CSNK2A2IP: variants seen among roughly 807,000 people sequenced by gnomAD.
CSNK2A2IP encodes the protein casein kinase 2 subunit alpha' interacting protein, also known as casein kinase II subunit alpha'-interacting protein.
chr3:88,453,860 T>C, the CSNK2A2IP span, among the ~76,000 whole-genome samples: 7 of 152,180 alleles, frequency 4.6e-5, no homozygotes, highest in South Asian at 1.2e-3. Flanking sequence ...GGATAGTAGA[T>C]TGATTACAGT....
the CSNK2A2IP span, among the ~76,000 whole-genome samples, chr3:88,445,610 G>A: frequency 2.0e-5 from 3 of 152,076 alleles, no homozygotes; most frequent in African/African-American, 7.2e-5. Context: ...CCAGGCTGGA[G>A]TGCATTGGGG....
chr3:88,389,227 A>AT, the CSNK2A2IP span, among the ~76,000 whole-genome samples: 1 of 122,866 alleles, frequency 8.1e-6, no homozygotes, highest in Non-Finnish European at 2.0e-5. Context: ...AGACAGTAAC[A>AT]TTTAATTTAA....
At chr3:88,453,940 G>T in the CSNK2A2IP span, among the ~76,000 whole-genome samples, 4 of 152,098 alleles carry the variant, frequency 2.6e-5, no homozygotes, top group African/African-American at 9.6e-5. Context: ...GCTTTCATTT[G>T]GGTAAATAAA....
At chr3:88,437,285 T>G in the CSNK2A2IP span, among the ~76,000 whole-genome samples, 2 of 152,180 alleles carry the variant, frequency 1.3e-5, no homozygotes, top group Non-Finnish European at 2.9e-5. Flanking sequence ...TCAACCTACA[T>G]TGAAGGTACC....
the CSNK2A2IP span, among the ~76,000 whole-genome samples, chr3:88,392,291 C>A: frequency 6.6e-6 from 1 of 152,096 alleles, no homozygotes; most frequent in African/African-American, 2.4e-5. Flanking sequence ...GTTCAGAATT[C>A]AGGAGAGAAT....
the CSNK2A2IP span, among the ~76,000 whole-genome samples, chr3:88,372,302 G>A: frequency 1.3e-5 from 2 of 151,460 alleles, no homozygotes; most frequent in Non-Finnish European, 3.0e-5. Context: ...GGCAAAAACT[G>A]CAATTACCTT....
At chr3:88,453,459 C>T in the CSNK2A2IP span, among the ~76,000 whole-genome samples, 1 of 152,014 alleles carries the variant, frequency 6.6e-6, no homozygotes, top group African/African-American at 2.4e-5. Context: ...GTACATACAA[C>T]AAGAATATTG....
At chr3:88,462,152 T>G in the CSNK2A2IP span, among the ~76,000 whole-genome samples, 1 of 150,778 alleles carries the variant, frequency 6.6e-6, no homozygotes, top group African/African-American at 2.4e-5. Flanking sequence ...GTAAATTTTT[T>G]TACATTCTGT....
At chr3:88,398,631 T>C in the CSNK2A2IP span, among the ~76,000 whole-genome samples, 1 of 152,164 alleles carries the variant, frequency 6.6e-6, no homozygotes, top group Non-Finnish European at 1.5e-5. Context: ...AGGTCCCATC[T>C]TGACTGTGAA....
At chr3:88,345,270 G>T in the CSNK2A2IP span, among the ~76,000 whole-genome samples, 1 of 151,952 alleles carries the variant, frequency 6.6e-6, no homozygotes. Flanking sequence ...TGTGTACGTG[G>T]CTTGCCACTT....
chr3:88,357,459 A>T, the CSNK2A2IP span, among the ~76,000 whole-genome samples: 1 of 152,156 alleles, frequency 6.6e-6, no homozygotes, highest in Admixed American at 6.5e-5. Context: ...TTGTGCCAGT[A>T]TAATGCTGTT....
chr3:88,384,184 C>T, the CSNK2A2IP span, among the ~76,000 whole-genome samples: 4 of 151,912 alleles, frequency 2.6e-5, no homozygotes, highest in South Asian at 2.1e-4. Flanking sequence ...TTACTTTGCA[C>T]AGCAAACCCG....
At chr3:88,446,030 T>TTTTCTTTC in the CSNK2A2IP span, among the ~76,000 whole-genome samples, 154 of 58,164 alleles carry the variant, frequency 2.6e-3, 1 homozygote, top group East Asian at 4.7e-3. Context: ...TCTTTGTTTC[T>TTTTCTTTC]TTTCTTTCTT....
chr3:88,345,123 A>G, the CSNK2A2IP span, among the ~76,000 whole-genome samples: 2 of 151,992 alleles, frequency 1.3e-5, no homozygotes, highest in African/African-American at 2.4e-5. Flanking sequence ...GCAAATATTT[A>G]TATAAATCTA....
At chr3:88,442,375 A>AT in the CSNK2A2IP span, among the ~76,000 whole-genome samples, 3 of 151,748 alleles carry the variant, frequency 2.0e-5, no homozygotes, top group Non-Finnish European at 2.9e-5. Context: ...ACATGTCAAT[A>AT]TTTTTTTTCT....
At chr3:88,450,689 A>G in the CSNK2A2IP span, among the ~76,000 whole-genome samples, 17 of 151,932 alleles carry the variant, frequency 1.1e-4, no homozygotes, top group African/African-American at 3.6e-4. Context: ...TTTGTTTTTA[A>G]TTATTATTAT....
the CSNK2A2IP span, among the ~76,000 whole-genome samples, chr3:88,372,098 T>G: frequency 6.6e-6 from 1 of 151,740 alleles, no homozygotes; most frequent in Non-Finnish European, 1.5e-5. Context: ...TATACATTAT[T>G]GCCAATATAT....
At chr3:88,431,236 CAGTT>C in the CSNK2A2IP span, 4 of 152,238 alleles carry the variant, frequency 2.6e-5, no homozygotes, top group Non-Finnish European at 4.4e-5. Context: ...TGTTCACAGT[CAGTT>C]ACAGATTGAG....
chr3:88,371,256 CA>C, the CSNK2A2IP span, among the ~76,000 whole-genome samples: 12 of 151,626 alleles, frequency 7.9e-5, no homozygotes, highest in African/African-American at 2.4e-4. Flanking sequence ...ACACAGACAT[CA>C]AAGCAGCTAT....
Sources: allele counts gnomAD v4.1 joint callset (sites outside exome capture counted in the v4.1 genomes callset), GRCh38; gene constraint gnomAD v4.1.1; transcripts MANE v1.5; gene names NCBI Gene and HGNC (gene_info 2026-07-23, HGNC 2026-07-21).